SPATA6: variants seen among roughly 807,000 people sequenced by gnomAD.
SPATA6 encodes the protein spermatogenesis associated 6, also known as spermatogenesis-associated protein 6.
SPATA6 carries 56 observed loss-of-function variants against 65.3 expected under a neutral mutation model. The ratio of observed to expected loss-of-function variants is 0.86; its 90% CI spans 0.69 to 1.07. The LOEUF is 1.07. Ranked by LOEUF, SPATA6 falls within the 50% of genes least tolerant of loss-of-function variation. The pLI, the probability that SPATA6 is intolerant of heterozygous loss-of-function variation, is 0.00. For synonymous variants in SPATA6, 199 were observed against 213.2 expected, an observed-to-expected ratio of 0.93 and a Z score of 0.58; for missense variants, 590 against 594.8, an observed-to-expected ratio of 0.99 and a Z score of 0.08.
intron 3 of SPATA6, among the ~76,000 whole-genome samples, chr1:48,422,411 T>A (rs889722934): frequency 1.4e-4 from 21 of 152,128 alleles, no homozygotes; most frequent in Non-Finnish European, 1.6e-4. Flanking sequence ...TGAGCTGAGA[T>A]TTTTATGGTC....
intron 3 of SPATA6, among the ~76,000 whole-genome samples, chr1:48,423,770 C>T (rs1653582230): frequency 6.6e-6 from 1 of 151,970 alleles, no homozygotes; most frequent in Non-Finnish European, 1.5e-5. Context: ...TGGTCTCAAA[C>T]TCCTGACCTC....
intron 1 of SPATA6, among the ~76,000 whole-genome samples, chr1:48,455,646 C>T (rs913508598): frequency 6.6e-5 from 10 of 152,164 alleles, no homozygotes; most frequent in Admixed American, 6.5e-4. Flanking sequence ...TCCCAAAGTG[C>T]TGGGATTACA....
the SPATA6 span, chr1:48,262,862 T>A: frequency 6.6e-6 from 1 of 152,158 alleles, no homozygotes; most frequent in Non-Finnish European, 1.5e-5. Context: ...TAATTAAAGT[T>A]GAAATATTTA....
At chr1:48,371,255 T>C (rs1169649574) in intron 9 of SPATA6, among the ~76,000 whole-genome samples, 2 of 146,098 alleles carry the variant, frequency 1.4e-5, no homozygotes, top group African/African-American at 2.5e-5. Context: ...TATCCATTCA[T>C]TGAATATGTA....
At chr1:48,422,788 T>C (rs889690391) in intron 3 of SPATA6, among the ~76,000 whole-genome samples, 4 of 152,206 alleles carry the variant, frequency 2.6e-5, no homozygotes, top group African/African-American at 7.2e-5. Context: ...TTTGGGGAAG[T>C]ATTCAGCAAT....
intron 3 of SPATA6, among the ~76,000 whole-genome samples, chr1:48,427,263 TAAAC>T (rs900631008): frequency 4.3e-4 from 65 of 151,656 alleles, no homozygotes; most frequent in African/African-American, 1.6e-3. Flanking sequence ...TGAATTAAAA[TAAAC>T]AGGAGAGGAA....
At chr1:48,350,593 T>TA (rs1361060084) in intron 11 of SPATA6, among the ~76,000 whole-genome samples, 2 of 151,842 alleles carry the variant, frequency 1.3e-5, no homozygotes, top group Non-Finnish European at 2.9e-5. Context: ...AAGGGGCTTT[T>TA]AAAAAAAATC....
chr1:48,277,236 T>G, the SPATA6 span, among the ~76,000 whole-genome samples: 2 of 152,126 alleles, frequency 1.3e-5, no homozygotes, highest in Non-Finnish European at 2.9e-5. Context: ...GGTCTACAGT[T>G]TCCAGCGTGA....
chr1:48,411,465 C>T lies in SPATA6; in HGVS notation c.404G>A (p.Arg135Gln), dbSNP rs149749179. 1.0e-5 allele frequency: 16 copies of T among 1,605,050 alleles called. No individual in the cohort carries two copies. Among genetic ancestry groups the T allele is most frequent in the Middle Eastern group, 1.6e-4 (1 of 6,066 alleles). Residue 135 changes from arginine (R) to glutamine (Q), a missense_variant and splice_region_variant, in exon 5 of 13, where the codon CGA (arginine) becomes CAA (glutamine). Arg to Gln is a conservative substitution (Grantham distance 43). Transcript: ENST00000371847. ...ATTCAGAAAATTGCAAGCACTTACT[C>T]GAAGGCCAGAAATCCTCCTCATGGT... ...QVTMRRISGL[R>Q]GNAPRLEFST...
intron 5 of SPATA6, among the ~76,000 whole-genome samples, chr1:48,407,168 C>A (rs1043964588): frequency 6.6e-6 from 1 of 152,118 alleles, no homozygotes; most frequent in African/African-American, 2.4e-5. Context: ...CCAGTGAACC[C>A]ATAGGAGTCC....
intron 11 of SPATA6, among the ~76,000 whole-genome samples, chr1:48,312,142 G>A (rs529434311): frequency 1.3e-5 from 2 of 152,218 alleles, no homozygotes; most frequent in African/African-American, 4.8e-5. Flanking sequence ...TCTGGGGGCA[G>A]GGAATAGCGA....
At chr1:48,432,163 C>A (rs1197906553) in intron 3 of SPATA6, among the ~76,000 whole-genome samples, 5 of 151,912 alleles carry the variant, frequency 3.3e-5, no homozygotes, top group African/African-American at 1.2e-4. Flanking sequence ...ACTAACTTTA[C>A]AATTTAAGGA....
chr1:48,344,945 T>C (rs1646321483), intron 11 of SPATA6, among the ~76,000 whole-genome samples: 1 of 152,098 alleles, frequency 6.6e-6, no homozygotes. Flanking sequence ...GACACCCCAC[T>C]GACAATATGA....
At chr1:48,395,417 G>A in intron 7 of SPATA6, 63 bp from the exon 8 acceptor site, 1 of 1,217,390 alleles carries the variant, frequency 8.2e-7, no homozygotes, top group Non-Finnish European at 1.1e-6. Context: ...TCAATCTCAT[G>A]GTACCAGAAA....
intron 11 of SPATA6, among the ~76,000 whole-genome samples, chr1:48,313,448 T>C (rs1484402646): frequency 2.0e-5 from 3 of 151,992 alleles, no homozygotes; most frequent in Non-Finnish European, 2.9e-5. Flanking sequence ...CAAACTAAGC[T>C]TCATAAGTGA....
chr1:48,467,890 G>T (rs1031591939), intron 1 of SPATA6, among the ~76,000 whole-genome samples: 5 of 152,226 alleles, frequency 3.3e-5, no homozygotes, highest in African/African-American at 1.2e-4. Flanking sequence ...TCAAAAAATT[G>T]TAAGTGTTGG....
In SPATA6 at chr1:48,368,796, G is replaced by A. The variant is rs140023952; in HGVS notation, c.910-9026C>T. Among the ~76,000 whole-genome samples, 10 of 152,224 alleles carry A rather than the reference G, an allele frequency of 6.6e-5. No individual in the cohort carries two copies. In the East Asian group the frequency reaches 1.2e-3, roughly 18 times the overall value. On this transcript the variant is annotated intron_variant, in intron 9 of 12. Transcript: ENST00000371847. ...GTCCGAAGACTTCTTCTCTCAACTCGTCAACATCATTCTCCGTCCAGCTTT... is the reference window on the plus strand; with the variant it reads ...GTCCGAAGACTTCTTCTCTCAACTCATCAACATCATTCTCCGTCCAGCTTT...
intron 9 of SPATA6, among the ~76,000 whole-genome samples, chr1:48,376,646 G>A (rs1647944396): frequency 6.6e-6 from 1 of 151,916 alleles, no homozygotes; most frequent in Admixed American, 6.6e-5. Flanking sequence ...ATTCAGTCAT[G>A]TGTTCTCATT....
intron 12 of SPATA6, among the ~76,000 whole-genome samples, chr1:48,302,246 G>A (rs534500470): frequency 6.6e-6 from 1 of 152,116 alleles, no homozygotes; most frequent in African/African-American, 2.4e-5. Context: ...AGGGTGCAAG[G>A]GCAGTTTTCT....
Sources: gnomAD v4.1 joint callset for allele counts (sites outside exome capture counted in the v4.1 genomes callset) on GRCh38, gnomAD v4.1.1 for gene constraint, MANE v1.5 for transcripts, NCBI Gene and HGNC (gene_info 2026-07-23, HGNC 2026-07-21) for gene names.